MAP3K20: variants seen among roughly 807,000 people sequenced by gnomAD.
MAP3K20 encodes the protein HCCS-4.
Under a neutral mutation model 85.7 loss-of-function variants are expected in MAP3K20, and 40 were observed. That is an observed-to-expected ratio of 0.47 (90% confidence interval 0.36 to 0.61). The LOEUF is 0.61. MAP3K20 is among the 20% of genes least tolerant of loss of function. The pLI is 0.00. For missense variants in MAP3K20, 817 were observed against 961.7 expected (o/e 0.85, Z 1.99); for synonymous variants, 325 against 327.7 (o/e 0.99, Z 0.09).
chr2:173,228,840 G>A (rs1375824085), intron 11 of MAP3K20, among the ~76,000 whole-genome samples: 1 of 152,058 alleles, frequency 6.6e-6, no homozygotes, highest in Non-Finnish European at 1.5e-5. Flanking sequence ...TCACTCACAA[G>A]AAAATATTTG....
intron 5 of MAP3K20, 149 bp downstream of exon 5, chr2:173,187,772 T>C (rs2106271081): frequency 1.8e-6 from 1 of 564,842 alleles, no homozygotes; most frequent in East Asian, 3.2e-5. Flanking sequence ...TGTCAATAAA[T>C]AACAAAAATC....
intron 16 of MAP3K20, among the ~76,000 whole-genome samples, chr2:173,243,678 C>T (rs1338499982): frequency 3.9e-5 from 6 of 152,150 alleles, no homozygotes; most frequent in African/African-American, 1.2e-4. Flanking sequence ...AGTGCAGTGG[C>T]GCTATCTCGG....
At chr2:173,122,635 G>A (rs1245815945) in intron 2 of MAP3K20, among the ~76,000 whole-genome samples, 2 of 152,152 alleles carry the variant, frequency 1.3e-5, no homozygotes, top group Non-Finnish European at 2.9e-5. Flanking sequence ...CCATTGTGGT[G>A]ACGTAATGGC....
chr2:173,189,716 C>T (rs531868828), intron 5 of MAP3K20, among the ~76,000 whole-genome samples: 2 of 152,270 alleles, frequency 1.3e-5, no homozygotes, highest in Admixed American at 6.5e-5. Flanking sequence ...ATAGTAGTTA[C>T]AGTTTAAAGC....
At chr2:173,210,029 C>T (rs1683831665) in intron 10 of MAP3K20, 194 bp downstream of exon 10, 1 of 581,506 alleles carries the variant, frequency 1.7e-6, no homozygotes, top group South Asian at 2.0e-5. Flanking sequence ...AGTGTTTCTC[C>T]AAGCTTGTTG....
chr2:173,236,377 A>G (rs1684649090), intron 14 of MAP3K20, among the ~76,000 whole-genome samples: 1 of 147,378 alleles, frequency 6.8e-6, no homozygotes, highest in Non-Finnish European at 1.5e-5. Context: ...GCAGCCACTT[A>G]AAAGTAAAAA....
At chr2:173,238,991 TCATCCTCCATCCACATTTG>T (rs1313831009) in intron 15 of MAP3K20, among the ~76,000 whole-genome samples, 2 of 152,340 alleles carry the variant, frequency 1.3e-5, no homozygotes, top group South Asian at 2.1e-4. Context: ...TTCCTCTGCT[TCATCCTCCATCCACATTTG>T]CATCCTCCAT....
intron 2 of MAP3K20, among the ~76,000 whole-genome samples, chr2:173,121,713 G>A (rs73021640): frequency 6.6e-5 from 10 of 152,070 alleles, no homozygotes; most frequent in Admixed American, 1.3e-4. Context: ...TCTAGGATAC[G>A]TGTCTATTCC....
At chr2:173,237,424 G>C (rs1296381701) in intron 14 of MAP3K20, among the ~76,000 whole-genome samples, 1 of 152,126 alleles carries the variant, frequency 6.6e-6, no homozygotes, top group African/African-American at 2.4e-5. Context: ...GAGGAGTAGA[G>C]TGTAAGAAGT....
At chr2:173,208,645 A>G (rs1265491295) in intron 9 of MAP3K20, among the ~76,000 whole-genome samples, 1 of 147,810 alleles carries the variant, frequency 6.8e-6, no homozygotes, top group East Asian at 1.9e-4. Context: ...AACTCATTAT[A>G]TATCCTAGGT....
chr2:173,129,376 C>T (rs946497352), intron 2 of MAP3K20, among the ~76,000 whole-genome samples: 13 of 152,124 alleles, frequency 8.5e-5, no homozygotes, highest in Non-Finnish European at 1.5e-4. Flanking sequence ...ACTATCATAG[C>T]TCATCAAATC....
intron 2 of MAP3K20, among the ~76,000 whole-genome samples, chr2:173,114,149 T>C (rs965541262): frequency 6.6e-6 from 1 of 152,202 alleles, no homozygotes; most frequent in Non-Finnish European, 1.5e-5. Flanking sequence ...AATGTCCCTC[T>C]TTGTCTCTTT....
intron 2 of MAP3K20, among the ~76,000 whole-genome samples, chr2:173,097,699 T>G (rs1687503207): frequency 6.6e-6 from 1 of 152,198 alleles, no homozygotes; most frequent in Admixed American, 6.5e-5. Context: ...AGTTTCAAAT[T>G]TATTCCACGT....
chr2:173,167,109 G>A (rs966156331), intron 2 of MAP3K20, among the ~76,000 whole-genome samples: 5 of 151,738 alleles, frequency 3.3e-5, no homozygotes, highest in East Asian at 1.9e-4. Flanking sequence ...TAGAGACGGG[G>A]TTTCACCATA....
At chr2:173,167,790 C>T (rs1012249928) in intron 2 of MAP3K20, among the ~76,000 whole-genome samples, 1 of 152,106 alleles carries the variant, frequency 6.6e-6, no homozygotes, top group Non-Finnish European at 1.5e-5. Flanking sequence ...TCCCATCATG[C>T]TGCATTGTAA....
At chr2:173,123,098 A>G (rs1688342375) in intron 2 of MAP3K20, among the ~76,000 whole-genome samples, 1 of 152,180 alleles carries the variant, frequency 6.6e-6, no homozygotes, top group Admixed American at 6.5e-5. Context: ...CTACATTCCT[A>G]TCTCCTTAAA....
intron 11 of MAP3K20, chr2:173,222,213 A>AG (rs916278742): frequency 1.1e-6 from 1 of 887,522 alleles, no homozygotes; most frequent in African/African-American, 2.3e-5. Context: ...CTCAAAAAAC[A>AG]AAAAAAAGAA....
At chr2:173,179,739 CAA>C (rs1006157498) in intron 3 of MAP3K20, among the ~76,000 whole-genome samples, 4 of 143,894 alleles carry the variant, frequency 2.8e-5, no homozygotes, top group African/African-American at 1.0e-4. Context: ...CACACACACA[CAA>C]AAGCTACTAA....
intron 9 of MAP3K20, among the ~76,000 whole-genome samples, chr2:173,205,641 G>A (rs985856190): frequency 1.3e-5 from 2 of 152,172 alleles, no homozygotes; most frequent in Non-Finnish European, 2.9e-5. Context: ...GCAACAAACT[G>A]TGCTGCGTAC....
Sources: gnomAD v4.1 joint callset for allele counts (sites outside exome capture counted in the v4.1 genomes callset) on GRCh38, gnomAD v4.1.1 for gene constraint, MANE v1.5 for transcripts, NCBI Gene and HGNC (gene_info 2026-07-23, HGNC 2026-07-21) for gene names.